KHDRBS2: variants seen among roughly 807,000 people sequenced by gnomAD.
The protein encoded by KHDRBS2 is KH RNA binding domain containing, signal transduction associated 2.
Under a neutral mutation model 44.3 loss-of-function variants are expected in KHDRBS2, and 26 were observed. The observed-to-expected ratio is 0.59, with a 90% CI of 0.43 to 0.81. KHDRBS2 has a LOEUF of 0.81. Ranked by LOEUF, KHDRBS2 falls within the 40% of genes least tolerant of loss-of-function variation. The probability of loss-of-function intolerance (pLI) is 0.00; values close to 1 mark genes in which losing one functional copy is unlikely to be tolerated. For synonymous variants in KHDRBS2, 194 were observed against 151.1 expected (o/e 1.28, Z -2.08); for missense variants, 476 against 433.1 (o/e 1.10, Z -0.88).
chr6:62,095,783 C>A (rs1800467457), intron 2 of KHDRBS2, among the ~76,000 whole-genome samples: 1 of 151,858 alleles, frequency 6.6e-6, no homozygotes, highest in Admixed American at 6.6e-5. Flanking sequence ...AGTGGACATT[C>A]TTGTCTTGTT....
chr6:62,109,638 T>C (rs1390854930), intron 2 of KHDRBS2, among the ~76,000 whole-genome samples: 1 of 151,832 alleles, frequency 6.6e-6, no homozygotes, highest in Non-Finnish European at 1.5e-5. Flanking sequence ...CAATGAACAA[T>C]TGAAAAATAC....
chr6:62,192,890 A>C (rs1824905143), intron 1 of KHDRBS2, among the ~76,000 whole-genome samples: 1 of 152,154 alleles, frequency 6.6e-6, no homozygotes, highest in Non-Finnish European at 1.5e-5. Context: ...TGAAACAGTC[A>C]TTACGCTTGT....
chr6:61,710,960 G>A (rs906044301), intron 7 of KHDRBS2, among the ~76,000 whole-genome samples: 2 of 148,738 alleles, frequency 1.3e-5, no homozygotes, highest in African/African-American at 5.0e-5. Flanking sequence ...GAAATCTGGA[G>A]TTTCATTTAC....
At chr6:62,215,915 T>C (rs71568791) in intron 1 of KHDRBS2, among the ~76,000 whole-genome samples, 2,983 of 151,924 alleles carry the variant, frequency 0.02, 95 homozygotes, top group Middle Eastern at 0.037. Context: ...AAAAGATTAA[T>C]ATGATACTCT....
intron 1 of KHDRBS2, among the ~76,000 whole-genome samples, chr6:62,214,197 A>G (rs1829596169): frequency 6.6e-6 from 1 of 152,110 alleles, no homozygotes; most frequent in Non-Finnish European, 1.5e-5. Flanking sequence ...TGCAAAGTAT[A>G]TTGATGTTGT....
chr6:61,870,858 A>G (rs1798559283), intron 6 of KHDRBS2, among the ~76,000 whole-genome samples: 1 of 152,232 alleles, frequency 6.6e-6, no homozygotes, highest in South Asian at 2.1e-4. Context: ...AAAAGTCACC[A>G]ACATCAAAGA....
the KHDRBS2 span, among the ~76,000 whole-genome samples, chr6:61,585,093 C>A: frequency 2.0e-5 from 3 of 151,792 alleles, no homozygotes; most frequent in Non-Finnish European, 4.4e-5. Context: ...TCGAAAAGAG[C>A]TGCAGCAAAA....
chr6:62,082,128 C>T (rs1797516520), intron 2 of KHDRBS2, among the ~76,000 whole-genome samples: 2 of 152,034 alleles, frequency 1.3e-5, no homozygotes, highest in South Asian at 4.1e-4. Flanking sequence ...ATTTAAGACT[C>T]ATCTCTTAAA....
chr6:62,095,456 T>C (rs184625932), intron 2 of KHDRBS2, among the ~76,000 whole-genome samples: 68 of 151,960 alleles, frequency 4.5e-4, no homozygotes, highest in Non-Finnish European at 8.1e-4. Flanking sequence ...GTTACAACTG[T>C]CTACAGTATT....
the KHDRBS2 span, among the ~76,000 whole-genome samples, chr6:61,596,713 G>A: frequency 4.0e-4 from 61 of 151,950 alleles, no homozygotes; most frequent in Non-Finnish European, 2.8e-4. Context: ...GTACAGTGGT[G>A]CAATTTCGGC....
the KHDRBS2 span, among the ~76,000 whole-genome samples, chr6:61,624,730 G>T: frequency 6.6e-6 from 1 of 152,112 alleles, no homozygotes; most frequent in Non-Finnish European, 1.5e-5. Flanking sequence ...TGCTGGACAA[G>T]GGTGGGTTGG....
chr6:61,963,717 G>T (rs908956657), intron 4 of KHDRBS2, among the ~76,000 whole-genome samples: 1 of 152,018 alleles, frequency 6.6e-6, no homozygotes, highest in African/African-American at 2.4e-5. Context: ...GTCTAATTGG[G>T]ACACATAGCC....
Position 61,685,340 on chromosome 6 carries a change from C to T in KHDRBS2, c.953-4280G>A, listed in dbSNP as rs549590553. On this transcript the variant is annotated intron_variant, in intron 8 of 8. Transcript: ENST00000281156. ...CTCTAAGATCTATGAAAGGAGAAAT[C>T]GTCTACAGTGGTAGACACTGAATAA... 1.3e-4 allele frequency among the ~76,000 whole-genome samples: 19 copies of T among 151,854 alleles called. No individual in the cohort carries two copies. In the East Asian group the frequency reaches 1.6e-3, roughly 12 times the overall value.
chr6:61,808,633 T>C (rs923113369), intron 6 of KHDRBS2, among the ~76,000 whole-genome samples: 1 of 152,006 alleles, frequency 6.6e-6, no homozygotes. Flanking sequence ...CATCAAAAAA[T>C]AGATAAGTGA....
At chr6:61,635,807 G>A in the KHDRBS2 span, among the ~76,000 whole-genome samples, 1 of 151,816 alleles carries the variant, frequency 6.6e-6, no homozygotes, top group Non-Finnish European at 1.5e-5. Context: ...TAGTTTCTAG[G>A]TCACTGGAGA....
intron 4 of KHDRBS2, among the ~76,000 whole-genome samples, chr6:61,942,175 T>C (rs978950861): frequency 1.3e-5 from 2 of 152,036 alleles, no homozygotes; most frequent in African/African-American, 4.8e-5. Context: ...CCCAGACATG[T>C]CTTGAACTCT....
At chr6:61,721,992 T>A (rs1419532046) in intron 7 of KHDRBS2, among the ~76,000 whole-genome samples, 2 of 149,492 alleles carry the variant, frequency 1.3e-5, no homozygotes, top group Non-Finnish European at 3.0e-5. Flanking sequence ...GCATGAAGAG[T>A]TGTTGAATTT....
chr6:61,948,389 G>C (rs1275956671), intron 4 of KHDRBS2, among the ~76,000 whole-genome samples: 2 of 151,912 alleles, frequency 1.3e-5, no homozygotes, highest in African/African-American at 4.8e-5. Context: ...TTTTTTAGCT[G>C]AAGAAAAACT....
chr6:62,242,158 T>A (rs1834781830), intron 1 of KHDRBS2, among the ~76,000 whole-genome samples: 1 of 152,252 alleles, frequency 6.6e-6, no homozygotes, highest in East Asian at 1.9e-4. Context: ...TCACTAAGGG[T>A]ACAGAGGATA....
Sources: gnomAD v4.1 joint callset for allele counts (sites outside exome capture counted in the v4.1 genomes callset) on GRCh38, gnomAD v4.1.1 for gene constraint, MANE v1.5 for transcripts, NCBI Gene and HGNC (gene_info 2026-07-23, HGNC 2026-07-21) for gene names.